Variants in SRGAP2C observed in about 807,000 individuals in gnomAD.
The protein encoded by SRGAP2C is SLIT-ROBO Rho GTPase-activating protein 2C.
Under a neutral mutation model 25.1 loss-of-function variants are expected in SRGAP2C, and 15 were observed. That is an observed-to-expected ratio of 0.60 (90% CI 0.40 to 0.92). The LOEUF (loss-of-function observed/expected upper bound fraction) is 0.92, where lower values mean the gene tolerates loss of function less well. Among genes scored for constraint, SRGAP2C ranks in the 40% least tolerant of loss-of-function variants. The pLI is 0.00. For synonymous variants in SRGAP2C, 44 were observed against 96.6 expected (o/e 0.46, Z 3.19); for missense variants, 144 against 264.4 (o/e 0.54, Z 3.16).
chr1:121,357,712 G>T (rs1416689164), intron 4 of SRGAP2C, among the ~76,000 whole-genome samples: 1 of 98,054 alleles, frequency 1.0e-5, no homozygotes, highest in African/African-American at 4.1e-5. Context: ...TGCCTGGGAA[G>T]TAGTTTCCAG....
intron 3 of SRGAP2C, among the ~76,000 whole-genome samples, chr1:121,317,035 A>ATGTGGTTTTTGCAGT (rs1658114791): frequency 4.4e-5 from 6 of 136,632 alleles, no homozygotes; most frequent in Non-Finnish European, 7.9e-5. Context: ...CAGCCAAATC[A>ATGTGGTTTTTGCAGT]GGGTTTTGCA....
chr1:121,358,741 AT>A (rs1384452755), intron 4 of SRGAP2C, among the ~76,000 whole-genome samples: 1 of 145,464 alleles, frequency 6.9e-6, no homozygotes, highest in Non-Finnish European at 1.5e-5. Flanking sequence ...AGAATTTACT[AT>A]GTAATAGCTG....
intron 2 of SRGAP2C, among the ~76,000 whole-genome samples, chr1:121,191,746 A>G (rs1386252551): frequency 2.0e-5 from 3 of 151,026 alleles, no homozygotes; most frequent in Admixed American, 1.3e-4. Context: ...CCTTTCCTTT[A>G]CCCTCTCTAT....
intron 2 of SRGAP2C, among the ~76,000 whole-genome samples, chr1:121,268,069 A>G: frequency 7.0e-6 from 1 of 143,646 alleles, no homozygotes; most frequent in East Asian, 2.1e-4. Context: ...AGCAGGGAAC[A>G]AAGTGAAGTC....
intron 2 of SRGAP2C, among the ~76,000 whole-genome samples, chr1:121,268,304 T>C (rs1415732702): frequency 6.6e-6 from 1 of 150,746 alleles, no homozygotes; most frequent in Admixed American, 6.6e-5. Flanking sequence ...AAGGGAAGCA[T>C]ATGCAAAGGC....
At chr1:121,210,187 G>A (rs1372903325) in intron 2 of SRGAP2C, among the ~76,000 whole-genome samples, 2 of 151,846 alleles carry the variant, frequency 1.3e-5, no homozygotes, top group Admixed American at 6.6e-5. Flanking sequence ...CCTTCTCATA[G>A]ATCTGAGATT....
intron 3 of SRGAP2C, among the ~76,000 whole-genome samples, chr1:121,308,828 A>C (rs1657910482): frequency 6.9e-6 from 1 of 144,274 alleles, no homozygotes; most frequent in African/African-American, 2.6e-5. Context: ...AATCCCAGCT[A>C]CTCAGGAGGC....
Position 121,324,498 on chromosome 1 carries a change from C to G in SRGAP2C, c.281C>G (p.Ser94Cys). 1 of 1,613,228 alleles carries G rather than the reference C, an allele frequency of 6.2e-7. No homozygotes were observed. The highest frequency in any genetic ancestry group is 2.2e-5 in the East Asian group (1 of 44,868). ...CACAGGAAGGATCAGAATGTTCTCT[C>G]TCCAGTCAACTGCTGGAATCTCCTC... ...QQFKKDQNVLSPVNCWNLLLN... is the reference protein window; with the variant it reads ...QQFKKDQNVLCPVNCWNLLLN... Residue 94 changes from serine (S) to cysteine (C), a missense_variant, in exon 4 of 10, where the codon TCT (serine) becomes TGT (cysteine). This residue lies in a region of SRGAP2C where 61 missense variants were observed against 61.7 expected (regional missense o/e 0.99). Transcript: ENST00000367123.
chr1:121,323,955 A>G (rs1166837454), intron 3 of SRGAP2C, among the ~76,000 whole-genome samples: 1 of 152,206 alleles, frequency 6.6e-6, no homozygotes, highest in Non-Finnish European at 1.5e-5. Flanking sequence ...GAGACAAACC[A>G]AATGACTTAG....
rs1461085066 is a variant in SRGAP2C, at chr1:121,265,040, T to TA, written c.68-19762dup. ...GGTGTAACCCCATCTCTACTAAAAA[T>TA]ACAAAAATTAGCCGGGCATGGTGGC... On this transcript the variant is annotated intron_variant, in intron 2 of 9. Transcript: ENST00000367123. Among the ~76,000 whole-genome samples, 10 of 78,636 alleles carry TA rather than the reference T, an allele frequency of 1.3e-4. No homozygotes were observed. In the Admixed American group the frequency reaches 1.4e-3, roughly 11 times the overall value. 51.6% of individuals were successfully genotyped at this position (78,636 alleles called of 152,430 possible).
At chr1:121,270,351 G>A (rs1309955652) in intron 2 of SRGAP2C, among the ~76,000 whole-genome samples, 1 of 150,918 alleles carries the variant, frequency 6.6e-6, no homozygotes, top group Non-Finnish European at 1.5e-5. Context: ...TATTTTGTTA[G>A]CAATCCATTG....
At chr1:121,314,240 C>G (rs1234353182) in intron 3 of SRGAP2C, among the ~76,000 whole-genome samples, 1 of 139,644 alleles carries the variant, frequency 7.2e-6, no homozygotes, top group Non-Finnish European at 1.5e-5. Flanking sequence ...CTTCTGCATT[C>G]TTCACGTAGT....
chr1:121,241,858 G>GA (rs200686142), intron 2 of SRGAP2C, among the ~76,000 whole-genome samples: 5 of 138,532 alleles, frequency 3.6e-5, no homozygotes, highest in African/African-American at 5.3e-5. Context: ...TTTAAAATAT[G>GA]AAAAAAAATT....
Position 121,230,802 on chromosome 1 carries a change from T to C in SRGAP2C, c.67+43289T>C, listed in dbSNP as rs1307515121. On this transcript the variant is annotated intron_variant, in intron 2 of 9. Transcript: ENST00000367123. ...AACCAACCCAAATGCCCATCAATGA[T>C]AGACGGGATAAAGAAAATATGGCAC... Among the ~76,000 whole-genome samples, 6 of 152,090 alleles carry C rather than the reference T, an allele frequency of 3.9e-5. No individual in the cohort carries two copies. In the East Asian group the frequency reaches 5.8e-4, roughly 15 times the overall value.
intron 2 of SRGAP2C, among the ~76,000 whole-genome samples, chr1:121,188,793 A>G (rs1463075545): frequency 6.8e-6 from 1 of 147,612 alleles, no homozygotes; most frequent in Non-Finnish European, 1.5e-5. Flanking sequence ...CATTGTACCT[A>G]CAGGATCTTT....
At chr1:121,297,806 A>G (rs1657627562) in intron 3 of SRGAP2C, among the ~76,000 whole-genome samples, 1 of 145,122 alleles carries the variant, frequency 6.9e-6, no homozygotes, top group African/African-American at 2.6e-5. Flanking sequence ...GATAATATTC[A>G]TAACTACCTT....
chr1:121,347,450 T>A (rs1658775751), intron 4 of SRGAP2C, among the ~76,000 whole-genome samples: 1 of 138,966 alleles, frequency 7.2e-6, no homozygotes, highest in Non-Finnish European at 1.5e-5. Context: ...CCTAAGAAAA[T>A]ATTTCTCAAC....
chr1:121,345,835 G>A (rs1553343758), intron 4 of SRGAP2C, among the ~76,000 whole-genome samples: 1 of 145,182 alleles, frequency 6.9e-6, no homozygotes, highest in Non-Finnish European at 1.5e-5. Context: ...ATATTTAGTA[G>A]AGACAGGGTT....
chr1:121,258,485 G>A (rs1382962557), intron 2 of SRGAP2C, among the ~76,000 whole-genome samples: 6 of 142,262 alleles, frequency 4.2e-5, no homozygotes, highest in African/African-American at 1.7e-4. Flanking sequence ...TTTTTTTTGA[G>A]ACGGAGTTTT....
Sources: allele counts gnomAD v4.1 joint callset (sites outside exome capture counted in the v4.1 genomes callset), GRCh38; gene constraint gnomAD v4.1.1; regional missense constraint gnomAD v4.1.1; transcripts MANE v1.5; gene names NCBI Gene and HGNC (gene_info 2026-07-23, HGNC 2026-07-21).